TMF1: variants seen among roughly 807,000 people sequenced by gnomAD.
TMF1 encodes the protein TATA element modulatory factor 1, also known as TATA element modulatory factor.
A neutral mutation model predicts 126.5 loss-of-function variants in TMF1; 71 were observed. The observed-to-expected ratio is 0.56, with a 90% CI of 0.46 to 0.68. The LOEUF (loss-of-function observed/expected upper bound fraction) is 0.68, where lower values mean the gene tolerates loss of function less well. Ranked by LOEUF, TMF1 falls within the 30% of genes least tolerant of loss-of-function variation. The pLI, the probability that TMF1 is intolerant of heterozygous loss-of-function variation, is 0.00. For missense variants in TMF1, 1,259 were observed against 1,253.2 expected (o/e 1.00, Z -0.07); for synonymous variants, 461 against 430.5 (o/e 1.07, Z -0.88).
At position 69,027,987 on chromosome 3, in the gene TMF1, C is replaced by A; in HGVS notation, c.2670G>T (p.Leu890Phe). The A allele has an allele frequency of 6.4e-7, 1 of 1,554,108 alleles. No homozygotes were observed. The highest frequency in any genetic ancestry group is 1.7e-5 in the Admixed American group (1 of 58,468). ...TLEETRKEKTLLNSQLEMERM... is the reference protein window; with the variant it reads ...TLEETRKEKTFLNSQLEMERM... ...TTTCCATTTCTAACTGACTATTCAA[C>A]AATGTCTAATAGAGAGAAATAAAGT... The change falls in exon 13 of 17, where the codon TTG becomes TTT. Residue 890 changes from leucine (L) to phenylalanine (F), a missense_variant. Transcript: ENST00000398559.
intron 11 of TMF1, among the ~76,000 whole-genome samples, 199 bp from the exon 12 acceptor site, chr3:69,028,494 G>A (rs1446212735): frequency 6.6e-6 from 1 of 152,130 alleles, no homozygotes; most frequent in Non-Finnish European, 1.5e-5. Context: ...AAGTGAAAAA[G>A]CTCCACTTCT....
At chr3:69,042,075 C>T (rs564668706) in intron 5 of TMF1, among the ~76,000 whole-genome samples, 3 of 152,104 alleles carry the variant, frequency 2.0e-5, no homozygotes, top group African/African-American at 7.2e-5. Flanking sequence ...CTCACTCTGT[C>T]GCCCAGGCTG....
intron 10 of TMF1, among the ~76,000 whole-genome samples, chr3:69,032,324 C>T: frequency 6.6e-6 from 1 of 151,884 alleles, no homozygotes; most frequent in Admixed American, 6.6e-5. Context: ...ACTTGTTCCA[C>T]ACTGTTTTGC....
intron 8 of TMF1, among the ~76,000 whole-genome samples, chr3:69,035,948 A>G (rs1003487259): frequency 5.9e-5 from 9 of 151,870 alleles, no homozygotes; most frequent in African/African-American, 1.9e-4. Context: ...CATTCCCCCA[A>G]TTTTTCTGTA....
In TMF1 at chr3:69,019,922, C is replaced by A. The variant is rs1455263956; in HGVS notation, c.*3255G>T. The stretch of plus-strand genomic sequence containing the variant: ...ATATCAATCTGTAGTTTAAATCATA[C>A]TTTCAGCCCTTTACAAAATATGTGA... On this transcript the variant is annotated 3_prime_UTR_variant, in exon 17 of 17. Transcript: ENST00000398559. The A allele has an allele frequency of 1.3e-5, 2 of 152,028 alleles. No individual in the cohort carries two copies. Among genetic ancestry groups the A allele is most frequent in the African/African-American group, 4.8e-5 (2 of 41,402 alleles). The allele number at this position is 152,028 out of a possible 1,614,324, so 9.4% of individuals were successfully genotyped here.
intron 16 of TMF1, 48 bp downstream of exon 16, chr3:69,024,007 A>G (rs1224867336): frequency 1.3e-6 from 2 of 1,524,876 alleles, no homozygotes; most frequent in Non-Finnish European, 8.8e-7. Flanking sequence ...GATTTAAAGT[A>G]AATGAACTAA....
intron 8 of TMF1, among the ~76,000 whole-genome samples, chr3:69,037,581 G>A (rs1410795284): frequency 6.6e-6 from 1 of 152,164 alleles, no homozygotes; most frequent in African/African-American, 2.4e-5. Flanking sequence ...GGTGGAGGTT[G>A]CAATGAGCCG....
chr3:69,043,524 C>A (rs2091878898), intron 4 of TMF1, among the ~76,000 whole-genome samples: 1 of 152,138 alleles, frequency 6.6e-6, no homozygotes, highest in South Asian at 2.1e-4. Context: ...CCAGGCTGCT[C>A]TCTAACTCCT....
Position 69,047,829 on chromosome 3 carries a change from A to C in TMF1, c.876T>G (p.Ser292=), listed in dbSNP as rs1305129440. 1.9e-6 allele frequency: 3 copies of C among 1,614,114 alleles called. No homozygotes were observed. The highest frequency in any genetic ancestry group is 1.7e-5 in the Admixed American group (1 of 60,028). ...AAGCAGATGCAGAGAGAAGCTGAAA[A>C]GATGTCTGCATCAAGTGAAGACTTG... The part of the protein sequence containing the change: ...SKSSLHLMQT[S]FQLLSASACP... Residue 292 remains serine, a synonymous_variant, in exon 2 of 17, where the codon TCT becomes TCG. Coordinates refer to ENST00000398559, the MANE Select transcript of TMF1 (RefSeq NM_007114.3).
intron 8 of TMF1, among the ~76,000 whole-genome samples, chr3:69,036,384 A>C (rs1413001463): frequency 5.3e-5 from 8 of 152,220 alleles, no homozygotes; most frequent in Non-Finnish European, 1.2e-4. Flanking sequence ...TACTAGAGTG[A>C]TCATCAGGAT....
chr3:69,025,599 A>T lies in TMF1; in HGVS notation c.2973T>A (p.Ser991=). The stretch of plus-strand genomic sequence containing the variant: ...TTTCCCCTTCCCTTAGCTTTAGCTG[A>T]GACTGTAGGTTTTCAATTATGCTTG... The part of the protein sequence containing the change: ...AGSSIIENLQ[S]QLKLREGEIT... Residue 991 remains serine (S), a synonymous_variant, in exon 15 of 17, where the codon TCT becomes TCA. Coordinates refer to ENST00000398559, the MANE Select transcript of TMF1 (RefSeq NM_007114.3). The T allele has an allele frequency of 6.2e-7, 1 of 1,613,826 alleles. No individual in the cohort carries two copies. Among genetic ancestry groups the T allele is most frequent in the South Asian group, 1.1e-5 (1 of 91,032 alleles).
chr3:69,025,470 T>C, intron 15 of TMF1, 90 bp downstream of exon 15: 2 of 1,277,798 alleles, frequency 1.6e-6, no homozygotes, highest in Non-Finnish European at 2.2e-6. Flanking sequence ...GTTTCTCAAT[T>C]TGCTCAGAAT....
At chr3:69,024,230 A>G in intron 15 of TMF1, 50 bp from the exon 16 acceptor site, 1 of 1,472,848 alleles carries the variant, frequency 6.8e-7, no homozygotes. Context: ...ATCTTTTTTA[A>G]TACTCCCAGT....
intron 9 of TMF1, chr3:69,033,933 C>A: frequency 3.0e-6 from 1 of 335,090 alleles, no homozygotes; most frequent in African/African-American, 2.1e-5. Context: ...TAGGCTCAAG[C>A]GATCCTCCCA....
At chr3:69,042,997 T>G (rs2091876426) in intron 4 of TMF1, 85 bp from the exon 5 acceptor site, 1 of 945,270 alleles carries the variant, frequency 1.1e-6, no homozygotes, top group Non-Finnish European at 1.6e-6. Context: ...CCAAAGAAGC[T>G]GTCCATAATC....
chr3:69,025,988 A>G lies in TMF1; in HGVS notation c.2859+8T>C, dbSNP rs1224855068. On this transcript the variant is annotated splice_region_variant and intron_variant, in intron 14 of 16. Transcript: ENST00000398559. ...AGAACTAAGCACATATAAAAAATAA[A>G]ACATCACCTGAGACAGAAAAGATGT... is the stretch of plus-strand genomic sequence containing the variant. 1 of 1,595,486 alleles carries G rather than the reference A, an allele frequency of 6.3e-7. No homozygotes were observed. Among genetic ancestry groups the G allele is most frequent in the African/African-American group, 1.4e-5 (1 of 74,038 alleles).
At chr3:69,028,900 C>A (rs2091783936) in intron 11 of TMF1, among the ~76,000 whole-genome samples, 1 of 151,702 alleles carries the variant, frequency 6.6e-6, no homozygotes, top group Admixed American at 6.6e-5. Context: ...TGTTATAGGC[C>A]CCTTTAAAAA....
Position 69,047,946 on chromosome 3 carries a change from A to G in TMF1, c.759T>C (p.Thr253=). The change falls in exon 2 of 17, where the codon ACT becomes ACC. Residue 253 remains threonine (T), a synonymous_variant. Coordinates refer to ENST00000398559, the MANE Select transcript of TMF1 (RefSeq NM_007114.3). The stretch of plus-strand genomic sequence containing the variant: ...AAACTTCAATATCACTGGTGGTAGA[A>G]GTACCTGATGAAAAGGTACTAACAG... ...SPPVSTFSSG[T]STTSDIEVLD... 6.2e-7 allele frequency: 1 copy of G among 1,613,918 alleles called. No homozygotes were observed.
At chr3:69,041,015 A>G (rs1319180675) in intron 5 of TMF1, among the ~76,000 whole-genome samples, 2 of 152,182 alleles carry the variant, frequency 1.3e-5, no homozygotes, top group East Asian at 1.9e-4. Flanking sequence ...AAATACTCCC[A>G]TGTGAAATTG....
Sources: gnomAD v4.1 joint callset for allele counts (sites outside exome capture counted in the v4.1 genomes callset) on GRCh38, gnomAD v4.1.1 for gene constraint, MANE v1.5 for transcripts, NCBI Gene and HGNC (gene_info 2026-07-23, HGNC 2026-07-21) for gene names.